Variants in PALM3 observed in about 807,000 individuals in gnomAD.
The protein encoded by PALM3 is paralemmin 3.
Under a neutral mutation model 27.9 loss-of-function variants are expected in PALM3, and 20 were observed. The observed-to-expected ratio is 0.72, with a 90% CI of 0.50 to 1.04. The LOEUF (loss-of-function observed/expected upper bound fraction) is 1.04, where lower values mean the gene tolerates loss of function less well. PALM3 is among the 50% of genes least tolerant of loss of function. The pLI, the probability that PALM3 is intolerant of heterozygous loss-of-function variation, is 0.00. For missense variants in PALM3, 814 were observed against 869.4 expected (o/e 0.94, Z 0.80); for synonymous variants, 328 against 352.7 (o/e 0.93, Z 0.79).
intron 6 of PALM3, 29 bp downstream of exon 6, chr19:14,055,351 C>A: frequency 6.5e-7 from 1 of 1,550,360 alleles, no homozygotes; most frequent in Non-Finnish European, 8.7e-7. Context: ...GGTGACCTGA[C>A]CCCCAGACCT....
intron 1 of PALM3, among the ~76,000 whole-genome samples, chr19:14,059,415 G>T (rs1036318944): frequency 1.3e-5 from 2 of 152,030 alleles, no homozygotes; most frequent in Non-Finnish European, 2.9e-5. Context: ...TCATCTGTAA[G>T]ATGGGCAGGA....
chr19:14,060,232 C>A (rs1218346388), intron 1 of PALM3, among the ~76,000 whole-genome samples: 4 of 152,082 alleles, frequency 2.6e-5, no homozygotes, highest in Admixed American at 2.6e-4. Context: ...TGAACTCCAG[C>A]TAGGACCTTC....
At chr19:14,056,912 A>G in intron 3 of PALM3, 108 bp from the exon 4 acceptor site, 1 of 1,098,004 alleles carries the variant, frequency 9.1e-7, no homozygotes, top group Non-Finnish European at 1.2e-6. Context: ...CCACCTCACA[A>G]CCAGTTGCGA....
chr19:14,053,512 G>T lies in PALM3; in HGVS notation c.*93C>A, dbSNP rs750748253. ...GCTCCCAGGTGCCATGGCCAGTCCT[G>T]TGGTCCCTGTCTGTGCCTGGGACCC... On this transcript the variant is annotated 3_prime_UTR_variant, in exon 7 of 7. Transcript: ENST00000669674. 63 of 1,375,100 alleles carry T rather than the reference G, an allele frequency of 4.6e-5. No homozygotes were observed. Among genetic ancestry groups the T allele is most frequent in the Non-Finnish European group, 5.8e-5 (61 of 1,049,006 alleles). 85.2% of individuals were successfully genotyped at this position (1,375,100 alleles called of 1,614,324 possible).
At chr19:14,061,473 C>T (rs1262974886) in intron 1 of PALM3, among the ~76,000 whole-genome samples, 1 of 152,192 alleles carries the variant, frequency 6.6e-6, no homozygotes, top group African/African-American at 2.4e-5. Flanking sequence ...CTTCTGGCCA[C>T]CCGCAAGAGT....
chr19:14,059,755 A>T (rs1976386557), intron 1 of PALM3, among the ~76,000 whole-genome samples: 1 of 151,674 alleles, frequency 6.6e-6, no homozygotes, highest in Non-Finnish European at 1.5e-5. Flanking sequence ...TGGCCCTCCC[A>T]CTGTTGCCAT....
chr19:14,054,214 A>T lies in PALM3; in HGVS notation c.1458T>A (p.Asp486Glu), dbSNP rs1382053682. ...EGHLRAEKEG[D>E]EEKRGAEEEE... The stretch of plus-strand genomic sequence containing the variant: ...CCTCCTCTGCCCCTCGCTTTTCCTC[A>T]TCTCCTTCCTTCTCTGCCCTCAAAT... The change falls in exon 7 of 7, where the codon GAT becomes GAA. Residue 486 changes from aspartate to glutamate, a missense_variant. Physicochemically the swap from Asp to Glu is conservative, Grantham distance 45 (BLOSUM62 2). Coordinates refer to ENST00000669674, the MANE Select transcript of PALM3 (RefSeq NM_001145028.2). 6.5e-7 allele frequency: 1 copy of T among 1,543,180 alleles called. No individual in the cohort carries two copies. The highest frequency in any genetic ancestry group is 1.4e-5 in the African/African-American group (1 of 69,608).
chr19:14,056,533 G>A lies in PALM3; in HGVS notation c.315-20C>T. Reference sequence around the variant, plus strand: ...TGGAGTCTGAAGAAGAGAGAGGGCTGCTAGGAGCTGGGCCCCCAGGCTCCT... The same window carrying A: ...TGGAGTCTGAAGAAGAGAGAGGGCTACTAGGAGCTGGGCCCCCAGGCTCCT... On this transcript the variant is annotated intron_variant, in intron 4 of 6. Transcript: ENST00000669674. The A allele has an allele frequency of 6.5e-7, 1 of 1,549,450 alleles. No homozygotes were observed. The highest frequency in any genetic ancestry group is 1.7e-4 in the Middle Eastern group (1 of 5,982).
chr19:14,057,591 A>G (rs1599309604), intron 2 of PALM3, 160 bp from the exon 3 acceptor site: 1 of 177,400 alleles, frequency 5.6e-6, no homozygotes, highest in East Asian at 1.5e-4. Flanking sequence ...GTCTGCACCC[A>G]GGGCGGGGAG....
chr19:14,054,130 T>G lies in PALM3; in HGVS notation c.1542A>C (p.Ala514=). 6.4e-7 allele frequency: 1 copy of G among 1,551,862 alleles called. No individual in the cohort carries two copies. Among genetic ancestry groups the G allele is most frequent in the Non-Finnish European group, 8.7e-7 (1 of 1,147,018 alleles). Residue 514 remains alanine, a synonymous_variant, in exon 7 of 7, where the codon GCA becomes GCC. Coordinates refer to ENST00000669674, the MANE Select transcript of PALM3 (RefSeq NM_001145028.2). ...EKKGGEEEPE[A]TKEPLEAERK... ...TCTCTGCCTCCAGTGGTTCTTTGGT[T>G]GCCTCTGGCTCTTCCTCACCTCCTT...
intron 5 of PALM3, 76 bp from the exon 6 acceptor site, chr19:14,055,501 C>T: frequency 7.0e-7 from 1 of 1,437,602 alleles, no homozygotes; most frequent in Non-Finnish European, 9.5e-7. Context: ...AGGCTCCCAC[C>T]CCACCACCCC....
At position 14,055,410 on chromosome 19, in the gene PALM3, A is replaced by G. The variant is rs1285067796; in HGVS notation, c.415T>C (p.Ser139Pro). 1.9e-6 allele frequency: 3 copies of G among 1,551,420 alleles called. No individual in the cohort carries two copies. The highest frequency in any genetic ancestry group is 1.4e-5 in the African/African-American group (1 of 73,002). ...SWRRQGHRPL[S>P]QSIVEAGSVG... ...GAACCTGCCTCGACAATGGACTGGGAGAGAGGACGGTGACCCTGCAGAGAT... is the reference window on the plus strand; with the variant it reads ...GAACCTGCCTCGACAATGGACTGGGGGAGAGGACGGTGACCCTGCAGAGAT... The change falls in exon 6 of 7, where the codon TCC (serine) becomes CCC (proline). Residue 139 changes from serine to proline, a missense_variant. Coordinates refer to ENST00000669674, the MANE Select transcript of PALM3 (RefSeq NM_001145028.2).
intron 1 of PALM3, among the ~76,000 whole-genome samples, chr19:14,061,476 G>A (rs781487235): frequency 4.1e-4 from 63 of 152,172 alleles, no homozygotes; most frequent in African/African-American, 6.0e-4. Context: ...CTGGCCACCC[G>A]CAAGAGTTGG....
At chr19:14,057,535 C>A in intron 2 of PALM3, 104 bp from the exon 3 acceptor site, 1 of 979,106 alleles carries the variant, frequency 1.0e-6, no homozygotes, top group Non-Finnish European at 1.4e-6. Context: ...ACCGGAGCTC[C>A]CGGGGCTCCC....
At chr19:14,055,841 C>G (rs1021589967) in intron 5 of PALM3, among the ~76,000 whole-genome samples, 2 of 152,120 alleles carry the variant, frequency 1.3e-5, no homozygotes, top group Non-Finnish European at 2.9e-5. Flanking sequence ...ACGTTCGCCT[C>G]CTGGTTTCAA....
chr19:14,059,513 T>C (rs1976381049), intron 1 of PALM3, among the ~76,000 whole-genome samples: 1 of 152,212 alleles, frequency 6.6e-6, no homozygotes, highest in African/African-American at 2.4e-5. Context: ...TAGGGTACAG[T>C]GCTACAAAAA....
intron 2 of PALM3, 82 bp from the exon 3 acceptor site, chr19:14,057,513 T>G: frequency 2.6e-6 from 3 of 1,138,288 alleles, no homozygotes; most frequent in Non-Finnish European, 2.4e-6. Context: ...CCCTCCCTCC[T>G]CCGCGGGGCT....
In PALM3 at chr19:14,054,742, G is replaced by C. The variant is rs776553490; in HGVS notation, c.930C>G (p.Val310=). ...DAEAMGEIGR[V]PEVVQTSSPR... ...GCGAGCTAGTCTGCACGACCTCAGG[G>C]ACCCTGCCTATCTCCCCCATGGCCT... The change falls in exon 7 of 7, where the codon GTC becomes GTG. Residue 310 remains valine (V), a synonymous_variant. Transcript: ENST00000669674. The C allele has an allele frequency of 1.1e-5, 17 of 1,551,738 alleles. No homozygotes were observed. In the African/African-American group the frequency reaches 1.9e-4, roughly 17 times the overall value.
At position 14,055,342 on chromosome 19, in the gene PALM3, G is replaced by A. The variant is rs1465296110; in HGVS notation, c.445+38C>T. 9 of 1,545,034 alleles carry A rather than the reference G, an allele frequency of 5.8e-6. No individual in the cohort carries two copies. The Admixed American group carries it at 5.9e-5, about 10-fold the overall frequency. On this transcript the variant is annotated intron_variant, in intron 6 of 6. Transcript: ENST00000669674. ...CACCCTCTCACACCCAGGCTCTGGGGTGACCTGACCCCCAGACCTAGGGGC... is the reference window on the plus strand; with the variant it reads ...CACCCTCTCACACCCAGGCTCTGGGATGACCTGACCCCCAGACCTAGGGGC...
Sources: allele counts gnomAD v4.1 joint callset (sites outside exome capture counted in the v4.1 genomes callset), GRCh38; gene constraint gnomAD v4.1.1; transcripts MANE v1.5; gene names NCBI Gene and HGNC (gene_info 2026-07-23, HGNC 2026-07-21).